SLC6A16: variants seen among roughly 807,000 people sequenced by gnomAD.
The protein encoded by SLC6A16 is orphan sodium- and chloride-dependent neurotransmitter transporter NTT5.
Under a neutral mutation model 65.4 loss-of-function variants are expected in SLC6A16, and 54 were observed. That is an observed-to-expected ratio of 0.83 (90% confidence interval 0.66 to 1.04). The LOEUF (loss-of-function observed/expected upper bound fraction) is 1.04, where lower values mean the gene tolerates loss of function less well. Ranked by LOEUF, SLC6A16 falls within the 50% of genes least tolerant of loss-of-function variation. The probability of loss-of-function intolerance (pLI) is 0.00; values close to 1 mark genes in which losing one functional copy is unlikely to be tolerated. For synonymous variants in SLC6A16, 330 were observed against 346.5 expected (o/e 0.95, Z 0.53); for missense variants, 816 against 914.0 (o/e 0.89, Z 1.38).
chr19:49,296,266 C>T (rs1165710571), intron 7 of SLC6A16, among the ~76,000 whole-genome samples: 1 of 152,198 alleles, frequency 6.6e-6, no homozygotes, highest in East Asian at 1.9e-4. Context: ...GGATTACAGG[C>T]ATGAACCACC....
At chr19:49,340,176 C>T in the SLC6A16 span, 1 of 1,339,766 alleles carries the variant, frequency 7.5e-7, no homozygotes, top group Non-Finnish European at 1.0e-6. Context: ...CCTGACCTTT[C>T]TCGCCCGGGT....
chr19:49,289,811 C>T lies in SLC6A16; in HGVS notation c.*312G>A, dbSNP rs1970039404. ...TTATTCACCAACAGCATTGCTCCTC[C>T]AGCTCCATTCCAGGAGACAGGCACC... On this transcript the variant is annotated 3_prime_UTR_variant, in exon 12 of 12. Coordinates refer to ENST00000335875, the MANE Select transcript of SLC6A16 (RefSeq NM_014037.3). 3.1e-6 allele frequency: 1 copy of T among 327,314 alleles called. No individual in the cohort carries two copies. The highest frequency in any genetic ancestry group is 5.3e-5 in the South Asian group (1 of 18,752). The allele number at this position is 327,314 out of a possible 1,614,324, so 20.3% of individuals were successfully genotyped here.
intron 7 of SLC6A16, among the ~76,000 whole-genome samples, chr19:49,303,317 A>G (rs537873597): frequency 2.6e-5 from 4 of 152,292 alleles, no homozygotes; most frequent in East Asian, 3.9e-4. Flanking sequence ...TGATATATTC[A>G]AAGTGCTGAA....
chr19:49,330,933 C>G, the SLC6A16 span, among the ~76,000 whole-genome samples: 1 of 108,776 alleles, frequency 9.2e-6, no homozygotes, highest in Non-Finnish European at 1.9e-5. Context: ...TAGAGTGAGA[C>G]AAAAAAAAAA....
chr19:49,297,800 T>C (rs1020749260), intron 7 of SLC6A16, among the ~76,000 whole-genome samples: 17 of 152,064 alleles, frequency 1.1e-4, no homozygotes, highest in Non-Finnish European at 4.4e-5. Flanking sequence ...CATAGATGAA[T>C]ACTAAAAACA....
At position 49,294,023 on chromosome 19, in the gene SLC6A16, G is replaced by A; in HGVS notation, c.1422C>T (p.Ser474=). 2.5e-6 allele frequency: 4 copies of A among 1,610,426 alleles called. No homozygotes were observed. Among genetic ancestry groups the A allele is most frequent in the Non-Finnish European group, 3.4e-6 (4 of 1,179,762 alleles). The change falls in exon 9 of 12, where the codon AGC becomes AGT. Residue 474 remains serine (S), a synonymous_variant. Coordinates refer to ENST00000335875, the MANE Select transcript of SLC6A16 (RefSeq NM_014037.3). ...ACAGGAATGCAAACTTTGGGCCCTC[G>A]CTAGCCTGCAAAGAGAACAAAGAGG... is the stretch of plus-strand genomic sequence containing the variant. ...CNIETQFLKA[S]EGPKFAFLSF...
At chr19:49,330,913 G>C in the SLC6A16 span, among the ~76,000 whole-genome samples, 1 of 150,448 alleles carries the variant, frequency 6.6e-6, no homozygotes, top group Non-Finnish European at 1.5e-5. Flanking sequence ...TTGCACTCCA[G>C]CCTGGGCAAT....
chr19:49,325,991 G>A (rs948377043), upstream of SLC6A16, among the ~76,000 whole-genome samples: 14 of 150,690 alleles, frequency 9.3e-5, no homozygotes, highest in East Asian at 3.9e-4. Flanking sequence ...ATGAAACCCC[G>A]TCTCTACTAA....
At chr19:49,309,875 T>C in intron 4 of SLC6A16, 49 bp from the exon 5 acceptor site, 1 of 1,591,648 alleles carries the variant, frequency 6.3e-7, no homozygotes, top group South Asian at 1.1e-5. Flanking sequence ...GTACCCCCTC[T>C]TCTTCCTTAT....
chr19:49,331,686 A>G, the SLC6A16 span: 1 of 446,312 alleles, frequency 2.2e-6, no homozygotes, highest in African/African-American at 2.0e-5. Context: ...GAGTGAAGGG[A>G]GAAAGAGTAA....
chr19:49,305,592 C>CAAAAAAAA, intron 7 of SLC6A16, among the ~76,000 whole-genome samples: 1 of 107,022 alleles, frequency 9.3e-6, no homozygotes, highest in Non-Finnish European at 1.9e-5. Flanking sequence ...AGATCTGTCT[C>CAAAAAAAA]AAAAAAAAAA....
rs1970053314 is a variant in SLC6A16 at position 49,290,403 on chromosome 19, A to G, written c.1942-11T>C. On this transcript the variant is annotated splice_polypyrimidine_tract_variant and intron_variant, in intron 11 of 11. Coordinates refer to ENST00000335875, the MANE Select transcript of SLC6A16 (RefSeq NM_014037.3). ...AAGCACCTCTTTTGACTGTGGAGAG[A>G]TGGGAAAAGGGTTCAGAATATCAAA... 3 of 1,605,954 alleles carry G rather than the reference A, an allele frequency of 1.9e-6. No homozygotes were observed. Among genetic ancestry groups the G allele is most frequent in the South Asian group, 2.2e-5 (2 of 90,208 alleles).
chr19:49,295,431 G>T (rs1340898757), intron 7 of SLC6A16, among the ~76,000 whole-genome samples: 1 of 151,936 alleles, frequency 6.6e-6, no homozygotes, highest in Admixed American at 6.6e-5. Flanking sequence ...TGGACAGCTT[G>T]CCAAGGTTCA....
chr19:49,299,317 G>A (rs897230251), intron 7 of SLC6A16, among the ~76,000 whole-genome samples: 2 of 151,838 alleles, frequency 1.3e-5, no homozygotes, highest in Non-Finnish European at 2.9e-5. Flanking sequence ...ATTTTGGGAG[G>A]ATGAGGCAAA....
At position 49,313,072 on chromosome 19, in the gene SLC6A16, C is replaced by CAAAAAAAAAAAAAAAAAAAAAAAAAA. The variant is rs5828385; in HGVS notation, c.-64-1662_-64-1661insTTTTTTTTTTTTTTTTTTTTTTTTTT. On this transcript the variant is annotated intron_variant, in intron 1 of 11. Transcript: ENST00000335875. ...CACTCCAGCCTGGGCAACCCTGTCT[C>CAAAAAAAAAAAAAAAAAAAAAAAAAA]AAAAAAAAAAAAAAAAAAAAAAAGA... 1.5e-4 allele frequency among the ~76,000 whole-genome samples: 14 copies of CAAAAAAAAAAAAAAAAAAAAAAAAAA among 95,776 alleles called. 1 individual carries two copies. The highest frequency in any genetic ancestry group is 5.6e-3 in the Middle Eastern group (1 of 180). 62.8% of individuals were successfully genotyped at this position (95,776 alleles called of 152,430 possible).
the SLC6A16 span, chr19:49,332,322 T>A: frequency 4.2e-5 from 19 of 455,478 alleles, 1 homozygote; most frequent in South Asian, 2.6e-4. Context: ...TTTGGGAAGC[T>A]GAAGTGGGTG....
intron 1 of SLC6A16, among the ~76,000 whole-genome samples, chr19:49,317,728 C>G (rs922180326): frequency 6.6e-6 from 1 of 151,686 alleles, no homozygotes; most frequent in Admixed American, 6.6e-5. Context: ...ATGGCGTGAA[C>G]CCAGGAGGTG....
chr19:49,290,482 A>G, intron 11 of SLC6A16, 90 bp from the exon 12 acceptor site: 1 of 1,563,356 alleles, frequency 6.4e-7, no homozygotes. Context: ...GGGGAACCAA[A>G]GCAGAAAACC....
intron 7 of SLC6A16, among the ~76,000 whole-genome samples, chr19:49,296,477 A>G (rs1039622146): frequency 1.3e-5 from 2 of 152,254 alleles, no homozygotes; most frequent in African/African-American, 4.8e-5. Flanking sequence ...TACTGAGTAG[A>G]GCCCAGAAAC....
Sources: gnomAD v4.1 joint callset for allele counts (sites outside exome capture counted in the v4.1 genomes callset) on GRCh38, gnomAD v4.1.1 for gene constraint, MANE v1.5 for transcripts, NCBI Gene and HGNC (gene_info 2026-07-23, HGNC 2026-07-21) for gene names.